The following SLC9C1 variants were observed in gnomAD, a reference collection of about 807,000 sequenced individuals.
The protein encoded by SLC9C1 is solute carrier family 9 member C1, also known as sodium/hydrogen exchanger 10.
A neutral mutation model predicts 140.9 loss-of-function variants in SLC9C1; 97 were observed. The observed-to-expected ratio is 0.69, with a 90% CI of 0.58 to 0.82. The LOEUF (loss-of-function observed/expected upper bound fraction) is 0.82, where lower values mean the gene tolerates loss of function less well. Ranked by LOEUF, SLC9C1 falls within the 40% of genes least tolerant of loss-of-function variation. The pLI is 0.00. For missense variants in SLC9C1, 1,340 were observed against 1,389.3 expected (o/e 0.96, Z 0.56); for synonymous variants, 440 against 442.6 (o/e 0.99, Z 0.07).
intron 6 of SLC9C1, among the ~76,000 whole-genome samples, chr3:112,270,336 C>T (rs2080036804): frequency 6.6e-6 from 1 of 152,120 alleles, no homozygotes. Flanking sequence ...TCCATAATAG[C>T]TTTACTAATT....
chr3:112,250,009 C>T (rs2079404733), intron 10 of SLC9C1, among the ~76,000 whole-genome samples: 1 of 151,762 alleles, frequency 6.6e-6, no homozygotes, highest in African/African-American at 2.4e-5. Context: ...GTGTGCTGCA[C>T]CCATTAACTC....
At chr3:112,152,048 G>C in intron 27 of SLC9C1, 85 bp from the exon 28 acceptor site, 1 of 1,009,068 alleles carries the variant, frequency 9.9e-7, no homozygotes, top group Non-Finnish European at 1.4e-6. Flanking sequence ...GGTATTTCTC[G>C]CAAGGTGGAG....
intron 8 of SLC9C1, among the ~76,000 whole-genome samples, chr3:112,265,571 T>C (rs986238308): frequency 6.6e-6 from 1 of 152,134 alleles, no homozygotes; most frequent in Non-Finnish European, 1.5e-5. Context: ...TGTTAACACA[T>C]ATGTTTTCAT....
rs375095145 is a variant in SLC9C1 at position 112,287,090 on chromosome 3, T to A, written c.-87-212A>T. Among the ~76,000 whole-genome samples the A allele has an allele frequency of 5.9e-5, 9 of 152,338 alleles. No homozygotes were observed. In the East Asian group the frequency reaches 1.7e-3, roughly 29 times the overall value. On this transcript the variant is annotated intron_variant, in intron 1 of 28. Coordinates refer to ENST00000305815, the MANE Select transcript of SLC9C1 (RefSeq NM_183061.3). ...CTACCAGTGTTACCTTATGTTTACT[T>A]ACAATGCCAAGCACTACGCACTTGT...
At chr3:112,161,897 C>T (rs2075311201) in intron 26 of SLC9C1, among the ~76,000 whole-genome samples, 1 of 150,994 alleles carries the variant, frequency 6.6e-6, no homozygotes, top group Non-Finnish European at 1.5e-5. Context: ...TCTTCCTACC[C>T]ATGAGCATGG....
chr3:112,201,547 T>C (rs1324886422), intron 18 of SLC9C1, among the ~76,000 whole-genome samples: 1 of 152,042 alleles, frequency 6.6e-6, no homozygotes, highest in Non-Finnish European at 1.5e-5. Flanking sequence ...TCTTGAAAAG[T>C]AAATATTGCA....
chr3:112,273,654 A>T (rs368174927), intron 6 of SLC9C1, among the ~76,000 whole-genome samples: 3 of 152,300 alleles, frequency 2.0e-5, no homozygotes, highest in East Asian at 3.9e-4. Context: ...AATAGGAAAG[A>T]ATAGAGGTAT....
At chr3:112,192,160 A>C (rs974600716) in intron 20 of SLC9C1, among the ~76,000 whole-genome samples, 4 of 152,004 alleles carry the variant, frequency 2.6e-5, no homozygotes, top group African/African-American at 9.7e-5. Flanking sequence ...CACTGGTATT[A>C]AGTACATTCA....
chr3:112,271,449 G>A (rs1385286722), intron 6 of SLC9C1, among the ~76,000 whole-genome samples: 3 of 138,370 alleles, frequency 2.2e-5, no homozygotes, highest in Admixed American at 7.9e-5. Flanking sequence ...TATACATTAT[G>A]ATTTGTCCAT....
intron 10 of SLC9C1, among the ~76,000 whole-genome samples, chr3:112,252,858 C>T (rs965691305): frequency 6.6e-6 from 1 of 151,734 alleles, no homozygotes; most frequent in African/African-American, 2.4e-5. Flanking sequence ...CGAGATCTAC[C>T]AAGTGGAGAC....
At chr3:112,256,646 A>T (rs1262662604) in intron 10 of SLC9C1, among the ~76,000 whole-genome samples, 3 of 152,172 alleles carry the variant, frequency 2.0e-5, no homozygotes, top group African/African-American at 7.2e-5. Flanking sequence ...ATTCTTCTTG[A>T]ATACTGGCAC....
Position 112,233,074 on chromosome 3 carries a change from T to TATATA in SLC9C1, c.1447-1589_1447-1588insTATAT, listed in dbSNP as rs60472772. 2.0e-3 allele frequency among the ~76,000 whole-genome samples: 253 copies of TATATA among 125,922 alleles called. 2 individuals are homozygous for TATATA. The highest frequency in any genetic ancestry group is 7.0e-3 in the African/African-American group (231 of 32,892). The allele number at this position is 125,922 out of a possible 152,430, so 82.6% of individuals were successfully genotyped here. Reference sequence around the variant, plus strand: ...ACATATATATATATATATATTATATTTTTTTTTTTTTTAAGAAAGGGTATC... The same window carrying TATATA: ...ACATATATATATATATATATTATATTATATATTTTTTTTTTTTAAGAAAGGGTATC... On this transcript the variant is annotated intron_variant, in intron 12 of 28. Coordinates refer to ENST00000305815, the MANE Select transcript of SLC9C1 (RefSeq NM_183061.3).
At chr3:112,258,426 GTTTT>G (rs1263692722) in intron 10 of SLC9C1, among the ~76,000 whole-genome samples, 1 of 151,302 alleles carries the variant, frequency 6.6e-6, no homozygotes, top group Non-Finnish European at 1.5e-5. Flanking sequence ...GTTTGTTTGG[GTTTT>G]TTTGTTTTTG....
At chr3:112,241,978 C>A (rs1271773599) in intron 11 of SLC9C1, among the ~76,000 whole-genome samples, 1 of 152,076 alleles carries the variant, frequency 6.6e-6, no homozygotes, top group Non-Finnish European at 1.5e-5. Flanking sequence ...AAATGTAAGA[C>A]CTCAATTATA....
chr3:112,154,221 A>G (rs906645286), intron 27 of SLC9C1, among the ~76,000 whole-genome samples: 2 of 152,188 alleles, frequency 1.3e-5, no homozygotes, highest in African/African-American at 2.4e-5. Context: ...TCAGATTCTG[A>G]GTATTATAAT....
intron 2 of SLC9C1, among the ~76,000 whole-genome samples, chr3:112,284,717 A>C (rs1384152800): frequency 6.6e-6 from 1 of 152,238 alleles, no homozygotes; most frequent in African/African-American, 2.4e-5. Context: ...CATTACATTG[A>C]AAATGCAAAG....
Sources: allele counts gnomAD v4.1 joint callset (sites outside exome capture counted in the v4.1 genomes callset), GRCh38; gene constraint gnomAD v4.1.1; transcripts MANE v1.5; gene names NCBI Gene and HGNC (gene_info 2026-07-23, HGNC 2026-07-21).